The following NBAS variants were observed in gnomAD, a reference collection of about 807,000 sequenced individuals.
NBAS encodes NAG/BC035112 fusion.
A neutral mutation model predicts 302.5 loss-of-function variants in NBAS; 219 were observed. The ratio of observed to expected loss-of-function variants is 0.72; its 90% CI spans 0.65 to 0.81. The LOEUF is 0.81. Ranked by LOEUF, NBAS falls within the 30% of genes least tolerant of loss-of-function variation. The probability of loss-of-function intolerance (pLI) is 0.00; values close to 1 mark genes in which losing one functional copy is unlikely to be tolerated. For synonymous variants in NBAS, 1,118 were observed against 1,021.6 expected, an observed-to-expected ratio of 1.09 and a Z score of -1.80; for missense variants, 2,932 against 2,841.6, an observed-to-expected ratio of 1.03 and a Z score of -0.72.
At chr2:14,981,558 C>T in the NBAS span, among the ~76,000 whole-genome samples, 2 of 152,204 alleles carry the variant, frequency 1.3e-5, no homozygotes, top group Non-Finnish European at 2.9e-5. Flanking sequence ...TCCTTGGGTA[C>T]CTGCTACCCA....
chr2:15,258,738 T>C lies in NBAS; in HGVS notation c.5724+16746A>G, dbSNP rs183610771. Among the ~76,000 whole-genome samples, 850 of 152,302 alleles carry C rather than the reference T, an allele frequency of 5.6e-3. 18 individuals are homozygous for C. Among genetic ancestry groups the C allele is most frequent in the Admixed American group, 0.037 (560 of 15,298 alleles). ...AAGACAATACGTGCACAGCTGAACA[T>C]AGACCCTTATCAGGAGTTTTTGATT... On this transcript the variant is annotated intron_variant, in intron 44 of 51. Transcript: ENST00000281513.
the NBAS span, among the ~76,000 whole-genome samples, chr2:14,878,744 C>T: frequency 6.6e-6 from 1 of 152,212 alleles, no homozygotes; most frequent in African/African-American, 2.4e-5. Context: ...GCCTCCCCAA[C>T]TATCAACATC....
the NBAS span, among the ~76,000 whole-genome samples, chr2:14,898,552 TC>T: frequency 6.6e-6 from 1 of 152,232 alleles, no homozygotes; most frequent in African/African-American, 2.4e-5. Flanking sequence ...CTCTCATAAT[TC>T]CCACATGTTG....
the NBAS span, among the ~76,000 whole-genome samples, chr2:15,149,194 G>A: frequency 6.6e-6 from 1 of 152,152 alleles, no homozygotes; most frequent in Non-Finnish European, 1.5e-5. Context: ...GTTACCACAG[G>A]AGTGGGCTTC....
intron 44 of NBAS, among the ~76,000 whole-genome samples, chr2:15,269,512 A>C (rs538081172): frequency 1.3e-5 from 2 of 152,308 alleles, no homozygotes; most frequent in South Asian, 4.1e-4. Context: ...GTCATGATAA[A>C]ATTGGAACTT....
At chr2:14,795,488 T>TATATATATATATATATA in the NBAS span, among the ~76,000 whole-genome samples, 7 of 151,626 alleles carry the variant, frequency 4.6e-5, no homozygotes, top group African/African-American at 1.7e-4. Flanking sequence ...TATATATATA[T>TATATATATATATATATA]TCTGGATACA....
intron 41 of NBAS, among the ~76,000 whole-genome samples, chr2:15,290,811 A>C (rs1436789751): frequency 1.3e-5 from 2 of 152,226 alleles, no homozygotes; most frequent in Non-Finnish European, 2.9e-5. Context: ...TCTCTTCTTA[A>C]TTGAGACCAG....
chr2:15,361,911 C>T (rs974810882), intron 32 of NBAS, among the ~76,000 whole-genome samples: 2 of 150,498 alleles, frequency 1.3e-5, no homozygotes, highest in Non-Finnish European at 2.9e-5. Context: ...ACCCAGGAGG[C>T]GGAGGTTGCA....
the NBAS span, among the ~76,000 whole-genome samples, chr2:15,145,206 C>T: frequency 6.6e-6 from 1 of 152,100 alleles, no homozygotes; most frequent in Non-Finnish European, 1.5e-5. Flanking sequence ...ATTCTACATA[C>T]TCTGCTGGTG....
At chr2:14,854,734 G>T in the NBAS span, among the ~76,000 whole-genome samples, 1 of 152,160 alleles carries the variant, frequency 6.6e-6, no homozygotes, top group East Asian at 1.9e-4. Flanking sequence ...CATGGAGGGA[G>T]CATTTAAACT....
chr2:15,403,105 A>G (rs1243481950), intron 25 of NBAS, among the ~76,000 whole-genome samples: 1 of 151,294 alleles, frequency 6.6e-6, no homozygotes, highest in East Asian at 2.0e-4. Context: ...ATTTTCTTAG[A>G]GCTCTTTTGA....
the NBAS span, among the ~76,000 whole-genome samples, chr2:14,982,869 G>A: frequency 1.8e-4 from 27 of 152,238 alleles, no homozygotes; most frequent in African/African-American, 5.8e-4. Flanking sequence ...GGTTGGGGCA[G>A]GAAATAAGAA....
At chr2:15,361,730 G>A (rs1558270784) in intron 32 of NBAS, among the ~76,000 whole-genome samples, 1 of 152,082 alleles carries the variant, frequency 6.6e-6, no homozygotes, top group Non-Finnish European at 1.5e-5. Flanking sequence ...TGTAATCCCA[G>A]CACTTTGGGA....
At chr2:15,474,928 A>G (rs920455754) in intron 14 of NBAS, among the ~76,000 whole-genome samples, 1 of 152,118 alleles carries the variant, frequency 6.6e-6, no homozygotes, top group Non-Finnish European at 1.5e-5. Flanking sequence ...CTTGTACCTG[A>G]TAATTTGATG....
Position 15,439,852 on chromosome 2 carries a change from A to G in NBAS, c.2340-12058T>C, listed in dbSNP as rs553107906. On this transcript the variant is annotated intron_variant, in intron 21 of 51. Coordinates refer to ENST00000281513, the MANE Select transcript of NBAS (RefSeq NM_015909.4). ...TTAAAAAATGGTGCATCAGGAGATTATATCCTGCACCTGGCTCGGAGGGTC... is the reference window on the plus strand; with the variant it reads ...TTAAAAAATGGTGCATCAGGAGATTGTATCCTGCACCTGGCTCGGAGGGTC... 2.6e-5 allele frequency among the ~76,000 whole-genome samples: 4 copies of G among 152,370 alleles called. No individual in the cohort carries two copies. In the South Asian group the frequency reaches 8.3e-4, roughly 32 times the overall value.
Position 15,539,220 on chromosome 2 carries a change from T to C in NBAS, c.513+3A>G, listed in dbSNP as rs1337897909. The C allele has an allele frequency of 6.2e-7, 1 of 1,614,128 alleles. No homozygotes were observed. Reference sequence around the variant, plus strand: ...ATGTTTTCAATTTAAGCTATGTACATACCGGGGAAATGACAAAGAGTTCAC... The same window carrying C: ...ATGTTTTCAATTTAAGCTATGTACACACCGGGGAAATGACAAAGAGTTCAC... On this transcript the variant is annotated splice_donor_region_variant and intron_variant, in intron 7 of 51. Transcript: ENST00000281513.
chr2:14,796,431 A>C, the NBAS span, among the ~76,000 whole-genome samples: 3 of 152,206 alleles, frequency 2.0e-5, no homozygotes. Flanking sequence ...TTTGAGAAAC[A>C]TTTACATCTT....
intron 30 of NBAS, among the ~76,000 whole-genome samples, chr2:15,374,949 G>A (rs1572741923): frequency 6.6e-6 from 1 of 152,272 alleles, no homozygotes; most frequent in East Asian, 1.9e-4. Context: ...CAGAAGTGAA[G>A]TAATTGCCCA....
chr2:15,490,556 G>A (rs1158612732), intron 11 of NBAS, among the ~76,000 whole-genome samples: 1 of 152,164 alleles, frequency 6.6e-6, no homozygotes, highest in Non-Finnish European at 1.5e-5. Context: ...CAAATTTAAA[G>A]TCAATAAGCT....
Sources: allele counts gnomAD v4.1 joint callset (sites outside exome capture counted in the v4.1 genomes callset), GRCh38; gene constraint gnomAD v4.1.1; transcripts MANE v1.5; gene names NCBI Gene and HGNC (gene_info 2026-07-23, HGNC 2026-07-21).